The following FILIP1L variants were observed in gnomAD, a reference collection of about 807,000 sequenced individuals.
The protein encoded by FILIP1L is filamin A-interacting protein 1-like.
Under a neutral mutation model 96.6 loss-of-function variants are expected in FILIP1L, and 55 were observed. That is an observed-to-expected ratio of 0.57 (90% CI 0.46 to 0.71). The LOEUF is 0.71. Among genes scored for constraint, FILIP1L ranks in the 30% least tolerant of loss-of-function variants. The pLI is 0.00. For synonymous variants in FILIP1L, 467 were observed against 473.9 expected (o/e 0.99, Z 0.19); for missense variants, 1,304 against 1,321.2 (o/e 0.99, Z 0.20).
intron 1 of FILIP1L, among the ~76,000 whole-genome samples, chr3:99,983,456 ATATG>A (rs1179013413): frequency 6.1e-3 from 60 of 9,834 alleles, no homozygotes; most frequent in Admixed American, 0.039. Context: ...GTATATATAT[ATATG>A]TGTGTATATA....
At chr3:99,860,526 T>C (rs1194301148) in intron 4 of FILIP1L, among the ~76,000 whole-genome samples, 1 of 151,478 alleles carries the variant, frequency 6.6e-6, no homozygotes, top group African/African-American at 2.4e-5. Context: ...AAAGGTGAGG[T>C]TCCAGAACAA....
chr3:100,005,171 T>A (rs925763632), intron 1 of FILIP1L, among the ~76,000 whole-genome samples: 2 of 152,214 alleles, frequency 1.3e-5, no homozygotes, highest in Non-Finnish European at 2.9e-5. Context: ...CCAGGAAACC[T>A]CCCTTTCTTT....
chr3:100,073,447 G>T (rs772118578), intron 1 of FILIP1L, among the ~76,000 whole-genome samples: 5 of 152,180 alleles, frequency 3.3e-5, no homozygotes, highest in Non-Finnish European at 7.4e-5. Context: ...AATGTTGTCT[G>T]CAGCTTCCTC....
chr3:99,987,090 C>T (rs552842882), intron 1 of FILIP1L, among the ~76,000 whole-genome samples: 1 of 151,912 alleles, frequency 6.6e-6, no homozygotes, highest in Admixed American at 6.6e-5. Context: ...ATTAGCCAAC[C>T]GTGGTGGCAT....
intron 1 of FILIP1L, among the ~76,000 whole-genome samples, chr3:100,094,328 G>A (rs976730862): frequency 2.0e-5 from 3 of 152,000 alleles, no homozygotes; most frequent in African/African-American, 7.2e-5. Context: ...TTTTTAAATG[G>A]TTGTCCTTTC....
At chr3:99,904,522 C>G (rs532726208) in intron 4 of FILIP1L, among the ~76,000 whole-genome samples, 2 of 152,234 alleles carry the variant, frequency 1.3e-5, no homozygotes, top group East Asian at 3.9e-4. Context: ...GGTCAAAGAG[C>G]CTTCCAAACA....
Position 99,955,241 on chromosome 3 carries a change from C to T in FILIP1L, c.-10-24211G>A, listed in dbSNP as rs138335536. 6.7e-3 allele frequency among the ~76,000 whole-genome samples: 1,025 copies of T among 152,260 alleles called. 3 individuals carry two copies. Among genetic ancestry groups the T allele is most frequent in the African/African-American group, 8.5e-3 (355 of 41,540 alleles). ...CTCTGTAGTAATAAAGTGGCATGCT[C>T]ACACAGAGGATGGAACAGAGCTATT... On this transcript the variant is annotated intron_variant, in intron 1 of 5. Transcript: ENST00000477258.
intron 4 of FILIP1L, among the ~76,000 whole-genome samples, chr3:99,895,810 A>G (rs1706232169): frequency 6.6e-6 from 1 of 152,198 alleles, no homozygotes; most frequent in South Asian, 2.1e-4. Context: ...TCACCCATAG[A>G]ATAGGTGCCT....
chr3:100,101,185 A>G (rs2107457137), intron 1 of FILIP1L, among the ~76,000 whole-genome samples: 1 of 152,292 alleles, frequency 6.6e-6, no homozygotes, highest in African/African-American at 2.4e-5. Flanking sequence ...TTTCTGAGAC[A>G]GCGTTATACT....
chr3:99,911,200 T>A (rs893658572), intron 4 of FILIP1L, among the ~76,000 whole-genome samples: 1 of 152,032 alleles, frequency 6.6e-6, no homozygotes, highest in Non-Finnish European at 1.5e-5. Context: ...TTCAATCCTA[T>A]TTGGCTGTAA....
At chr3:99,961,990 C>A (rs1427669160) in intron 1 of FILIP1L, among the ~76,000 whole-genome samples, 2 of 152,124 alleles carry the variant, frequency 1.3e-5, no homozygotes, top group Non-Finnish European at 2.9e-5. Context: ...ATTATAGGGG[C>A]CCCAAATTTA....
intron 1 of FILIP1L, among the ~76,000 whole-genome samples, chr3:100,018,633 A>G (rs559249004): frequency 2.0e-5 from 3 of 152,200 alleles, no homozygotes; most frequent in Admixed American, 2.0e-4. Flanking sequence ...GCTTCTTGAC[A>G]TGAGTCTGGG....
At chr3:100,014,288 T>G (rs966166402) in intron 1 of FILIP1L, among the ~76,000 whole-genome samples, 5 of 152,080 alleles carry the variant, frequency 3.3e-5, no homozygotes, top group African/African-American at 1.2e-4. Flanking sequence ...TTATGAATAA[T>G]GCTGCAATGA....
intron 1 of FILIP1L, among the ~76,000 whole-genome samples, chr3:100,027,660 A>G (rs1232599296): frequency 6.6e-6 from 1 of 152,180 alleles, no homozygotes; most frequent in African/African-American, 2.4e-5. Flanking sequence ...GCTGTTTAGA[A>G]TATGGAAAAT....
intron 1 of FILIP1L, among the ~76,000 whole-genome samples, chr3:99,990,488 A>G (rs1176947767): frequency 6.6e-6 from 1 of 152,246 alleles, no homozygotes; most frequent in Non-Finnish European, 1.5e-5. Context: ...CTCTCAACTT[A>G]AAGTCAAACT....
chr3:100,088,186 C>G (rs1424242150), intron 1 of FILIP1L, among the ~76,000 whole-genome samples: 1 of 152,098 alleles, frequency 6.6e-6, no homozygotes, highest in African/African-American at 2.4e-5. Flanking sequence ...AATTTGGGAG[C>G]TTGCTGGGAT....
chr3:99,850,437 A>C lies in FILIP1L; in HGVS notation c.1239T>G (p.Phe413Leu), dbSNP rs558704957. The change falls in exon 5 of 6, where the codon TTT becomes TTG. Residue 413 changes from phenylalanine (F) to leucine (L), a missense_variant. Transcript: ENST00000477258. ...TACTGAGTTTTTCAACCTCTAGTTT[A>C]AAGTCTTTACTCTGTAACGTCTCCC... is the stretch of plus-strand genomic sequence containing the variant. ...LERETLQSKDFKLEVEKLSKR... is the reference protein window; with the variant it reads ...LERETLQSKDLKLEVEKLSKR... 1.9e-6 allele frequency: 3 copies of C among 1,614,024 alleles called. No individual in the cohort carries two copies. The South Asian group carries it at 3.3e-5, about 18-fold the overall frequency.
chr3:100,095,186 C>A (rs2066183298), intron 1 of FILIP1L, among the ~76,000 whole-genome samples: 1 of 152,142 alleles, frequency 6.6e-6, no homozygotes, highest in African/African-American at 2.4e-5. Flanking sequence ...ACTTTCTCTT[C>A]TTTTTCAACA....
chr3:100,038,597 T>C (rs2065149873), intron 1 of FILIP1L, among the ~76,000 whole-genome samples: 1 of 152,222 alleles, frequency 6.6e-6, no homozygotes, highest in Non-Finnish European at 1.5e-5. Flanking sequence ...TGGAAGTAAA[T>C]AGGATTATTC....
Sources: gnomAD v4.1 joint callset for allele counts (sites outside exome capture counted in the v4.1 genomes callset) on GRCh38, gnomAD v4.1.1 for gene constraint, MANE v1.5 for transcripts, NCBI Gene and HGNC (gene_info 2026-07-23, HGNC 2026-07-21) for gene names.